The following SOX5 variants were observed in gnomAD, a reference collection of about 807,000 sequenced individuals.
SOX5 encodes SRY-box transcription factor 5.
Under a neutral mutation model 92.0 loss-of-function variants are expected in SOX5, and 9 were observed. The ratio of observed to expected loss-of-function variants is 0.10; its 90% CI spans 0.06 to 0.17. The LOEUF (loss-of-function observed/expected upper bound fraction) is 0.17, where lower values mean the gene tolerates loss of function less well. Among genes scored for constraint, SOX5 ranks in the 10% least tolerant of loss-of-function variants. The pLI is 1.00. For missense variants in SOX5, 642 were observed against 944.5 expected, an observed-to-expected ratio of 0.68 and a Z score of 4.20; for synonymous variants, 344 against 336.3, an observed-to-expected ratio of 1.02 and a Z score of -0.25.
At chr12:24,474,974 C>A (rs1260055475) in intron 1 of SOX5, among the ~76,000 whole-genome samples, 2 of 152,072 alleles carry the variant, frequency 1.3e-5, no homozygotes, top group Non-Finnish European at 2.9e-5. Context: ...CTCAAGCCTC[C>A]TGAGTAGCTG....
chr12:23,624,787 T>C (rs1024828346), intron 8 of SOX5, among the ~76,000 whole-genome samples: 2 of 152,208 alleles, frequency 1.3e-5, no homozygotes, highest in African/African-American at 2.4e-5. Flanking sequence ...ATCCAAAATA[T>C]AGCCAATTTT....
chr12:24,250,934 T>C (rs1939915442), intron 3 of SOX5, among the ~76,000 whole-genome samples: 2 of 152,208 alleles, frequency 1.3e-5, no homozygotes, highest in African/African-American at 4.8e-5. Context: ...CCATGCAGAA[T>C]GTGAAAAATC....
At position 23,533,909 on chromosome 12, in the gene SOX5, TAA is replaced by T. The variant is rs201455508; in HGVS notation, c.*308_*309del. ...AGAACAAACAGCCATAAAGTTTATT[TAA>T]AAAAAAAAAAAAGTTGACGGGTAAG... On this transcript the variant is annotated 3_prime_UTR_variant, in exon 15 of 15. Transcript: ENST00000451604. 422 of 193,866 alleles carry T rather than the reference TAA, an allele frequency of 2.2e-3. No homozygotes were observed. Among genetic ancestry groups the T allele is most frequent in the Middle Eastern group, 8.3e-3 (4 of 482 alleles). The allele number at this position is 193,866 out of a possible 1,614,324, so 12.0% of individuals were successfully genotyped here. A position where few individuals can be genotyped will look rare whatever the true frequency, so the allele number is the denominator to read the frequency against.
Position 24,476,259 on chromosome 12 carries a change from T to C in SOX5, c.-251+86070A>G, listed in dbSNP as rs186309792. On this transcript the variant is annotated intron_variant, in intron 1 of 4. Coordinates refer to the SOX5 transcript ENST00000446891. ...ACAGTGAAAAATCAGGGCTTGGATT[T>C]TGTATATCTCTGGTTTTCTTTTTTC... Among the ~76,000 whole-genome samples, 355 of 152,334 alleles carry C rather than the reference T, an allele frequency of 2.3e-3. 7 individuals carry two copies. Among genetic ancestry groups the C allele is most frequent in the Admixed American group, 0.02 (302 of 15,300 alleles).
intron 3 of SOX5, among the ~76,000 whole-genome samples, chr12:23,843,448 T>C (rs2096540392): frequency 6.6e-6 from 1 of 151,876 alleles, no homozygotes; most frequent in Admixed American, 6.6e-5. Flanking sequence ...ACTATCTGCT[T>C]AATTTTTCCG....
intron 4 of SOX5, among the ~76,000 whole-genome samples, chr12:23,746,428 C>T (rs1425492416): frequency 2.6e-5 from 4 of 152,142 alleles, no homozygotes; most frequent in Non-Finnish European, 5.9e-5. Flanking sequence ...TATGAACTTG[C>T]TCCATCTGAG....
chr12:24,548,932 A>G (rs6487394), intron 1 of SOX5, among the ~76,000 whole-genome samples: 85,121 of 152,064 alleles, frequency 0.56, 26,686 homozygotes, highest in East Asian at 0.91. Flanking sequence ...ACATAGCTGA[A>G]AAAGCTTAAT....
chr12:24,343,678 A>T (rs1455303385), intron 2 of SOX5, among the ~76,000 whole-genome samples: 1 of 152,106 alleles, frequency 6.6e-6, no homozygotes, highest in Non-Finnish European at 1.5e-5. Context: ...GTATAGGTAC[A>T]TAGCACATAA....
At chr12:24,449,784 T>C (rs1941997054) in intron 1 of SOX5, among the ~76,000 whole-genome samples, 1 of 152,226 alleles carries the variant, frequency 6.6e-6, no homozygotes, top group Non-Finnish European at 1.5e-5. Context: ...AGTGAACACA[T>C]GGTAACCATC....
intron 2 of SOX5, among the ~76,000 whole-genome samples, chr12:24,288,058 T>C (rs1490471727): frequency 1.3e-5 from 2 of 152,222 alleles, no homozygotes; most frequent in African/African-American, 2.4e-5. Flanking sequence ...GCCTTCTTAT[T>C]CATTGACAGA....
chr12:23,598,750 A>C (rs1482860346), intron 9 of SOX5, among the ~76,000 whole-genome samples: 1 of 152,116 alleles, frequency 6.6e-6, no homozygotes, highest in African/African-American at 2.4e-5. Context: ...ATTAAAAATA[A>C]AGTTTTATAC....
chr12:23,681,069 A>T (rs2086547393), intron 6 of SOX5, among the ~76,000 whole-genome samples: 1 of 152,094 alleles, frequency 6.6e-6, no homozygotes, highest in Admixed American at 6.6e-5. Flanking sequence ...TATACTTTGT[A>T]TTAGCTAGTG....
chr12:23,638,795 G>A (rs1323119902), intron 8 of SOX5, among the ~76,000 whole-genome samples: 1 of 151,708 alleles, frequency 6.6e-6, no homozygotes, highest in Non-Finnish European at 1.5e-5. Context: ...TAGCAAAAGT[G>A]AGAGTCAGTC....
chr12:24,246,072 T>C (rs942273567), intron 3 of SOX5, among the ~76,000 whole-genome samples: 3 of 152,206 alleles, frequency 2.0e-5, no homozygotes, highest in Admixed American at 6.5e-5. Context: ...AGTTCAGTCT[T>C]TGGCCATAAA....
chr12:23,831,957 T>TACACACACAGAC (rs1555370332), intron 3 of SOX5, among the ~76,000 whole-genome samples: 5 of 142,732 alleles, frequency 3.5e-5, no homozygotes, highest in Non-Finnish European at 7.6e-5. Context: ...AAAGGGGAAC[T>TACACACACAGAC]ACACACACAC....
chr12:24,018,577 C>T (rs1478046193), intron 4 of SOX5, among the ~76,000 whole-genome samples: 1 of 152,124 alleles, frequency 6.6e-6, no homozygotes. Flanking sequence ...AGGTGGATCA[C>T]CTGAGGTCAG....
At chr12:24,317,641 C>G (rs1949821142) in intron 2 of SOX5, among the ~76,000 whole-genome samples, 1 of 152,206 alleles carries the variant, frequency 6.6e-6, no homozygotes, top group African/African-American at 2.4e-5. Flanking sequence ...CAATCTCCAT[C>G]TCAAAGAGCT....
intron 2 of SOX5, among the ~76,000 whole-genome samples, chr12:24,351,712 T>C (rs1417740138): frequency 6.6e-6 from 1 of 152,214 alleles, no homozygotes; most frequent in Non-Finnish European, 1.5e-5. Context: ...AACCATTACA[T>C]GAATACAATG....
rs1946336608 is a variant in SOX5 at position 23,562,222 on chromosome 12, C to CA, written c.1488+1035dup. On this transcript the variant is annotated intron_variant, in intron 11 of 14. Transcript: ENST00000451604. ...TATCCTTTGCTCTCTCCCCTGGACA[C>CA]ACGATAGAATTGAAATCGTTTCTCC... 1.3e-5 allele frequency among the ~76,000 whole-genome samples: 2 copies of CA among 152,140 alleles called. 1 individual carries two copies. The highest frequency in any genetic ancestry group is 4.1e-4 in the South Asian group (2 of 4,830).
Sources: gnomAD v4.1 joint callset for allele counts (sites outside exome capture counted in the v4.1 genomes callset) on GRCh38, gnomAD v4.1.1 for gene constraint, MANE v1.5 for transcripts, NCBI Gene and HGNC (gene_info 2026-07-23, HGNC 2026-07-21) for gene names.